The following FOXN3 variants were observed in gnomAD, a reference collection of about 807,000 sequenced individuals.
FOXN3 encodes forkhead box protein N3.
Under a neutral mutation model 38.4 loss-of-function variants are expected in FOXN3, and 7 were observed. The observed-to-expected ratio is 0.18, with a 90% CI of 0.10 to 0.34. The LOEUF is 0.34. FOXN3 is among the 10% of genes least tolerant of loss of function. The pLI is 1.00. For missense variants in FOXN3, 456 were observed against 613.4 expected (o/e 0.74, Z 2.71); for synonymous variants, 230 against 242.2 (o/e 0.95, Z 0.47).
chr14:89,370,186 GA>G (rs1366882007), intron 2 of FOXN3, among the ~76,000 whole-genome samples: 1 of 152,048 alleles, frequency 6.6e-6, no homozygotes, highest in Non-Finnish European at 1.5e-5. Context: ...CACATATGCA[GA>G]AAAAAAATCA....
At chr14:89,439,805 G>C (rs938631253) in intron 1 of FOXN3, among the ~76,000 whole-genome samples, 2 of 148,922 alleles carry the variant, frequency 1.3e-5, no homozygotes, top group African/African-American at 5.0e-5. Context: ...ACAGGCGCCC[G>C]CCACCACGCC....
intron 3 of FOXN3, among the ~76,000 whole-genome samples, chr14:89,306,504 C>T (rs1887381314): frequency 6.6e-6 from 1 of 152,048 alleles, no homozygotes; most frequent in Non-Finnish European, 1.5e-5. Flanking sequence ...GTAGCTGGGA[C>T]TACAGGCGCC....
At chr14:89,611,226 GA>G (rs1896381257) in intron 1 of FOXN3, among the ~76,000 whole-genome samples, 1 of 152,180 alleles carries the variant, frequency 6.6e-6, no homozygotes, top group Admixed American at 6.5e-5. Flanking sequence ...AAAGAAGACT[GA>G]ATATCTTGCT....
chr14:89,325,120 A>G (rs1888012271), intron 3 of FOXN3, among the ~76,000 whole-genome samples: 1 of 152,208 alleles, frequency 6.6e-6, no homozygotes, highest in African/African-American at 2.4e-5. Context: ...CACAGCGGAC[A>G]GCATAGACAC....
chr14:89,490,949 A>G (rs897257318), intron 1 of FOXN3, among the ~76,000 whole-genome samples: 5 of 152,158 alleles, frequency 3.3e-5, no homozygotes, highest in Non-Finnish European at 7.3e-5. Context: ...ACATTTACAT[A>G]TTAGTTAAGG....
chr14:89,524,393 A>AAAAAAAAAAAAAAAAAAAAAAAAC (rs1894389562), intron 1 of FOXN3, among the ~76,000 whole-genome samples: 1 of 97,584 alleles, frequency 1.0e-5, no homozygotes, highest in Non-Finnish European at 1.9e-5. Flanking sequence ...AAAAAAAAAA[A>AAAAAAAAAAAAAAAAAAAAAAAAC]AAAAAAAAAA....
chr14:89,408,089 T>C (rs1891440629), intron 2 of FOXN3, among the ~76,000 whole-genome samples: 1 of 152,180 alleles, frequency 6.6e-6, no homozygotes, highest in Non-Finnish European at 1.5e-5. Context: ...GACTCATTCA[T>C]GAGAACATGC....
At chr14:89,608,134 A>G (rs1206456223) in intron 1 of FOXN3, among the ~76,000 whole-genome samples, 1 of 148,382 alleles carries the variant, frequency 6.7e-6, no homozygotes, top group Admixed American at 6.7e-5. Flanking sequence ...GCCCGCCACC[A>G]TGCCTGGCTA....
At chr14:89,558,800 C>T (rs1185289146) in intron 1 of FOXN3, among the ~76,000 whole-genome samples, 1 of 151,968 alleles carries the variant, frequency 6.6e-6, no homozygotes, top group Admixed American at 6.6e-5. Context: ...CCCCAGCTGC[C>T]GTAGGCTCAC....
intron 4 of FOXN3, among the ~76,000 whole-genome samples, chr14:89,185,195 G>T (rs1362467806): frequency 1.3e-5 from 2 of 152,180 alleles, no homozygotes; most frequent in Non-Finnish European, 2.9e-5. Context: ...CTTCTCCATG[G>T]AGAGATGGCG....
intron 1 of FOXN3, among the ~76,000 whole-genome samples, chr14:89,466,666 C>A (rs138561884): frequency 1.3e-5 from 2 of 152,174 alleles, no homozygotes; most frequent in Admixed American, 1.3e-4. Context: ...AGACTCTCAC[C>A]AGGGACCACA....
chr14:89,457,741 G>A (rs939187320), intron 1 of FOXN3, among the ~76,000 whole-genome samples: 3 of 152,116 alleles, frequency 2.0e-5, no homozygotes, highest in African/African-American at 2.4e-5. Flanking sequence ...AGCCGGGCGC[G>A]GTGGCTCATG....
In FOXN3 at chr14:89,528,376, C is replaced by CTTTTTTTTTTTTTTTTTTTT. The variant is rs55935162; in HGVS notation, c.-15+90632_-15+90651dup. On this transcript the variant is annotated intron_variant, in intron 1 of 6. Transcript: ENST00000345097. ...TCATCCATACTCAACATGGATGAAT[C>CTTTTTTTTTTTTTTTTTTTT]TTTTTTTTTTTTTTTTTTTTTTTTT... is the stretch of plus-strand genomic sequence containing the variant. Among the ~76,000 whole-genome samples, 7 of 53,576 alleles carry CTTTTTTTTTTTTTTTTTTTT rather than the reference C, an allele frequency of 1.3e-4. 1 individual carries two copies. Among genetic ancestry groups the CTTTTTTTTTTTTTTTTTTTT allele is most frequent in the Admixed American group, 3.4e-4 (1 of 2,938 alleles). 35.1% of individuals were successfully genotyped at this position (53,576 alleles called of 152,430 possible).
chr14:89,609,404 T>C lies in FOXN3; in HGVS notation c.-15+9624A>G, dbSNP rs149922179. On this transcript the variant is annotated intron_variant, in intron 1 of 6. Transcript: ENST00000345097. ...TTTTTGTAGAGATGGGGTTTCGCCATGTTGCCCAGGCTGGCATCAAGGTTC... is the reference window on the plus strand; with the variant it reads ...TTTTTGTAGAGATGGGGTTTCGCCACGTTGCCCAGGCTGGCATCAAGGTTC... Among the ~76,000 whole-genome samples, 301 of 152,262 alleles carry C rather than the reference T, an allele frequency of 2.0e-3. 1 individual carries two copies. The highest frequency in any genetic ancestry group is 7.0e-3 in the African/African-American group (290 of 41,526).
At chr14:89,391,042 G>A (rs1279543204) in intron 2 of FOXN3, among the ~76,000 whole-genome samples, 1 of 152,158 alleles carries the variant, frequency 6.6e-6, no homozygotes, top group Non-Finnish European at 1.5e-5. Context: ...GAGGTGAAGA[G>A]GACCGGCATA....
chr14:89,260,844 TTTAA>T (rs1172825520), intron 4 of FOXN3, among the ~76,000 whole-genome samples: 1 of 152,240 alleles, frequency 6.6e-6, no homozygotes, highest in Non-Finnish European at 1.5e-5. Flanking sequence ...AGCTATAACA[TTTAA>T]TTAGTTTTGT....
At chr14:89,550,994 A>G (rs1427061315) in intron 1 of FOXN3, among the ~76,000 whole-genome samples, 1 of 152,194 alleles carries the variant, frequency 6.6e-6, no homozygotes, top group African/African-American at 2.4e-5. Flanking sequence ...GCACACACGA[A>G]TGTTTCTGGC....
intron 1 of FOXN3, among the ~76,000 whole-genome samples, chr14:89,472,553 T>C (rs1475397557): frequency 1.3e-5 from 2 of 151,816 alleles, no homozygotes; most frequent in Non-Finnish European, 2.9e-5. Context: ...ACCCCATCTC[T>C]ACTAAAATTA....
intron 3 of FOXN3, among the ~76,000 whole-genome samples, chr14:89,337,987 G>A (rs576191093): frequency 6.6e-6 from 1 of 152,250 alleles, no homozygotes; most frequent in Non-Finnish European, 1.5e-5. Context: ...AATATTTGGT[G>A]CCTTGGAGTC....
Sources: allele counts gnomAD v4.1 joint callset (sites outside exome capture counted in the v4.1 genomes callset), GRCh38; gene constraint gnomAD v4.1.1; transcripts MANE v1.5; gene names NCBI Gene and HGNC (gene_info 2026-07-23, HGNC 2026-07-21).